Variants in FNDC3A observed in about 807,000 individuals in gnomAD.
FNDC3A encodes the protein fibronectin type-III domain-containing protein 3A.
In FNDC3A, 32 loss-of-function variants were observed where a neutral mutation model predicts 148.9. That is an observed-to-expected ratio of 0.21 (90% CI 0.16 to 0.29). The LOEUF (loss-of-function observed/expected upper bound fraction) is 0.29. FNDC3A is among the 10% of genes least tolerant of loss of function. The pLI, the probability that FNDC3A is intolerant of heterozygous loss-of-function variation, is 1.00. For missense variants in FNDC3A, 1,191 were observed against 1,452.8 expected (o/e 0.82, Z 2.93); for synonymous variants, 472 against 473.6 (o/e 1.00, Z 0.04).
intron 3 of FNDC3A, among the ~76,000 whole-genome samples, chr13:49,081,283 T>C (rs1878451483): frequency 2.0e-5 from 3 of 152,152 alleles, no homozygotes; most frequent in Admixed American, 2.0e-4. Context: ...AGAGAGAAAA[T>C]TATGAAAAGC....
chr13:49,082,950 G>A (rs903784077), intron 3 of FNDC3A, among the ~76,000 whole-genome samples: 1 of 152,198 alleles, frequency 6.6e-6, no homozygotes, highest in African/African-American at 2.4e-5. Context: ...GTGTGGAGGG[G>A]TAGCCTGACC....
chr13:49,043,101 G>T (rs1461864512), intron 2 of FNDC3A, among the ~76,000 whole-genome samples: 2 of 149,732 alleles, frequency 1.3e-5, no homozygotes, highest in South Asian at 2.1e-4. Flanking sequence ...GACTATAAAT[G>T]TGTGCCACCA....
intron 14 of FNDC3A, among the ~76,000 whole-genome samples, chr13:49,182,705 T>G (rs1199688749): frequency 6.6e-6 from 1 of 152,186 alleles, no homozygotes; most frequent in African/African-American, 2.4e-5. Context: ...TCTATCTGGC[T>G]CCGTTAACTA....
chr13:49,160,455 G>A (rs1429890094), intron 8 of FNDC3A, among the ~76,000 whole-genome samples: 3 of 152,104 alleles, frequency 2.0e-5, no homozygotes, highest in African/African-American at 7.2e-5. Context: ...CTGTGGGATT[G>A]GTGGCGATAT....
intron 4 of FNDC3A, among the ~76,000 whole-genome samples, chr13:49,118,689 T>C (rs1455599305): frequency 6.6e-6 from 1 of 152,178 alleles, no homozygotes; most frequent in Non-Finnish European, 1.5e-5. Flanking sequence ...CTGCCATTAC[T>C]GAGGCTTGAG....
intron 3 of FNDC3A, among the ~76,000 whole-genome samples, chr13:49,102,826 C>T (rs938226661): frequency 9.2e-5 from 14 of 152,142 alleles, no homozygotes; most frequent in African/African-American, 3.4e-4. Flanking sequence ...ATAATTTTAG[C>T]AAACTTAAAA....
intron 8 of FNDC3A, among the ~76,000 whole-genome samples, chr13:49,150,076 T>C (rs1413469063): frequency 6.6e-6 from 1 of 152,166 alleles, no homozygotes; most frequent in Non-Finnish European, 1.5e-5. Context: ...TTCTCTTGAT[T>C]AGTCTAGGTG....
chr13:49,053,721 G>T (rs891025080), intron 2 of FNDC3A, among the ~76,000 whole-genome samples: 2 of 152,214 alleles, frequency 1.3e-5, no homozygotes, highest in African/African-American at 2.4e-5. Context: ...TGTAGATGAC[G>T]TCTCATATGC....
At chr13:49,024,554 G>T (rs565130586) in intron 2 of FNDC3A, among the ~76,000 whole-genome samples, 1 of 151,894 alleles carries the variant, frequency 6.6e-6, no homozygotes, top group Non-Finnish European at 1.5e-5. Flanking sequence ...ATTTATCACA[G>T]GAATGTAAGA....
At chr13:49,036,122 GCTTAA>G (rs1303895606) in intron 2 of FNDC3A, among the ~76,000 whole-genome samples, 2 of 152,048 alleles carry the variant, frequency 1.3e-5, no homozygotes, top group Non-Finnish European at 2.9e-5. Flanking sequence ...GAATTTCCTA[GCTTAA>G]CTTCTCAGGA....
At chr13:49,008,017 G>A (rs574730370) in intron 2 of FNDC3A, among the ~76,000 whole-genome samples, 2 of 152,226 alleles carry the variant, frequency 1.3e-5, no homozygotes, top group South Asian at 4.1e-4. Context: ...TGCTTCTCTA[G>A]AAAATGGAGG....
At chr13:49,068,891 A>G (rs1877453970) in intron 2 of FNDC3A, among the ~76,000 whole-genome samples, 1 of 152,176 alleles carries the variant, frequency 6.6e-6, no homozygotes, top group Non-Finnish European at 1.5e-5. Flanking sequence ...AACAGACACT[A>G]GGGCTTACCT....
intron 2 of FNDC3A, among the ~76,000 whole-genome samples, chr13:49,012,376 G>C (rs1244241801): frequency 2.0e-5 from 3 of 152,098 alleles, no homozygotes; most frequent in Admixed American, 2.0e-4. Context: ...ACCTCCCAAA[G>C]TGTATTTATG....
At chr13:49,028,140 C>G (rs762214269) in intron 2 of FNDC3A, among the ~76,000 whole-genome samples, 1 of 151,798 alleles carries the variant, frequency 6.6e-6, no homozygotes, top group African/African-American at 2.4e-5. Flanking sequence ...GCTTGAACCC[C>G]GGAGGCAGAG....
chr13:49,098,244 A>T (rs1438128988), intron 3 of FNDC3A, among the ~76,000 whole-genome samples: 1 of 152,124 alleles, frequency 6.6e-6, no homozygotes, highest in Non-Finnish European at 1.5e-5. Flanking sequence ...TGCAGTCTGC[A>T]TGGTAGATGA....
At chr13:49,142,549 G>C (rs1882750346) in intron 7 of FNDC3A, among the ~76,000 whole-genome samples, 1 of 152,106 alleles carries the variant, frequency 6.6e-6, no homozygotes, top group Non-Finnish European at 1.5e-5. Context: ...CAGGAATTTT[G>C]TGGTATCTAT....
chr13:49,177,787 A>T (rs1224520763), intron 13 of FNDC3A, among the ~76,000 whole-genome samples: 2 of 152,166 alleles, frequency 1.3e-5, no homozygotes, highest in Non-Finnish European at 2.9e-5. Context: ...ATGCTAAAGA[A>T]CCCAGTTACA....
chr13:48,992,918 CT>C (rs2137570321), intron 1 of FNDC3A, among the ~76,000 whole-genome samples: 1 of 152,294 alleles, frequency 6.6e-6, no homozygotes, highest in East Asian at 1.9e-4. Flanking sequence ...ATACATTTAA[CT>C]CATTACTCTG....
At chr13:49,068,657 T>C (rs1465281581) in intron 2 of FNDC3A, among the ~76,000 whole-genome samples, 2 of 152,208 alleles carry the variant, frequency 1.3e-5, no homozygotes, top group Admixed American at 1.3e-4. Flanking sequence ...TCAACCTAAA[T>C]GCCTCTCAGT....
Sources: gnomAD v4.1 joint callset for allele counts (sites outside exome capture counted in the v4.1 genomes callset) on GRCh38, gnomAD v4.1.1 for gene constraint, MANE v1.5 for transcripts, NCBI Gene and HGNC (gene_info 2026-07-23, HGNC 2026-07-21) for gene names.